KAT6A: variants seen among roughly 807,000 people sequenced by gnomAD.
KAT6A encodes histone acetyltransferase KAT6A.
KAT6A carries 9 observed loss-of-function variants against 198.4 expected under a neutral mutation model. That is an observed-to-expected ratio of 0.05 (90% CI 0.03 to 0.08). The LOEUF is 0.08. Ranked by LOEUF, KAT6A falls within the 10% of genes least tolerant of loss-of-function variation. The probability of loss-of-function intolerance (pLI) is 1.00; values close to 1 mark genes in which losing one functional copy is unlikely to be tolerated. For synonymous variants in KAT6A, 890 were observed against 883.0 expected (o/e 1.01, Z -0.14); for missense variants, 2,077 against 2,509.9 (o/e 0.83, Z 3.69).
At chr8:41,937,766 T>C (rs954868946) in intron 15 of KAT6A, among the ~76,000 whole-genome samples, 198 bp from the exon 16 acceptor site, 1 of 152,172 alleles carries the variant, frequency 6.6e-6, no homozygotes, top group Non-Finnish European at 1.5e-5. Context: ...ATTAGGCAAT[T>C]GAACACAACT....
At chr8:41,978,574 A>C (rs1824184561) in intron 6 of KAT6A, 68 bp downstream of exon 6, 2 of 1,494,524 alleles carry the variant, frequency 1.3e-6, no homozygotes, top group Non-Finnish European at 9.1e-7. Context: ...AGAGAAAACA[A>C]GTGAATCCTA....
chr8:42,013,760 GAC>G (rs1254151633), intron 2 of KAT6A, among the ~76,000 whole-genome samples: 8 of 152,150 alleles, frequency 5.3e-5, no homozygotes, highest in Admixed American at 3.9e-4. Flanking sequence ...TCACTCCACT[GAC>G]TGCAGATTTA....
rs1221337096 is a variant in KAT6A at position 41,930,946 on chromosome 8, A to G, written c.*1259T>C. On this transcript the variant is annotated 3_prime_UTR_variant, in exon 17 of 17. Transcript: ENST00000265713. The stretch of plus-strand genomic sequence containing the variant: ...ACAGGAGAGGTGCTTGTGCACTCTG[A>G]TTCACAGGGGATGAACTCAGGATCT... 4.8e-6 allele frequency: 1 copy of G among 210,124 alleles called. No individual in the cohort carries two copies. The highest frequency in any genetic ancestry group is 7.0e-5 in the East Asian group (1 of 14,352). The allele number at this position is 210,124 out of a possible 1,614,324, so 13.0% of individuals were successfully genotyped here.
chr8:42,048,602 T>C lies in KAT6A; in HGVS notation c.376A>G (p.Lys126Glu), dbSNP rs755669455. 1 of 1,614,186 alleles carries C rather than the reference T, an allele frequency of 6.2e-7. No individual in the cohort carries two copies. The highest frequency in any genetic ancestry group is 1.7e-5 in the Admixed American group (1 of 60,020). ...STLKSIERFL[K>E]GQKDVSALFG... ...AATGCAGACACATCCTTCTGACCTT[T>C]CAAAAAACGTTCAATGCTTTTCAAA... Residue 126 changes from lysine (K) to glutamate (E), a missense_variant, in exon 2 of 17, where the codon AAA becomes GAA. Physicochemically the swap from Lys to Glu is moderately conservative, Grantham distance 56. This residue lies in a region of KAT6A where 185 missense variants were observed against 185.7 expected (regional missense o/e 1.00). Coordinates refer to ENST00000265713, the MANE Select transcript of KAT6A (RefSeq NM_006766.5).
At chr8:41,995,217 C>T (rs148242169) in intron 2 of KAT6A, among the ~76,000 whole-genome samples, 2 of 152,024 alleles carry the variant, frequency 1.3e-5, no homozygotes, top group Non-Finnish European at 2.9e-5. Flanking sequence ...GATAAAAAGC[C>T]ATGTGTAGTG....
In KAT6A at chr8:41,932,128, A is replaced by G. The variant is rs571160168; in HGVS notation, c.*77T>C. The G allele has an allele frequency of 6.1e-5, 76 of 1,256,082 alleles. 1 individual carries two copies. The African/African-American group carries it at 9.7e-4, about 16-fold the overall frequency. 77.8% of individuals were successfully genotyped at this position (1,256,082 alleles called of 1,614,324 possible). A position where few individuals can be genotyped will look rare whatever the true frequency, so the allele number is the denominator to read the frequency against. Reference sequence around the variant, plus strand: ...CAATATTTTAACTGGAAAAAGGTCCATTTTTCTCTGGTTTGTCAGTATAAA... The same window carrying G: ...CAATATTTTAACTGGAAAAAGGTCCGTTTTTCTCTGGTTTGTCAGTATAAA... On this transcript the variant is annotated 3_prime_UTR_variant, in exon 17 of 17. Coordinates refer to ENST00000265713, the MANE Select transcript of KAT6A (RefSeq NM_006766.5).
chr8:42,051,769 G>A (rs1437099906), intron 1 of KAT6A, 132 bp downstream of exon 1: 1 of 146,484 alleles, frequency 6.8e-6, no homozygotes, highest in Non-Finnish European at 1.5e-5. Flanking sequence ...CAGAGCAGCG[G>A]GAGGCGGCGC....
intron 2 of KAT6A, among the ~76,000 whole-genome samples, chr8:42,009,578 G>A (rs1365793959): frequency 6.6e-6 from 1 of 151,592 alleles, no homozygotes; most frequent in Non-Finnish European, 1.5e-5. Flanking sequence ...TTTTTTTTCT[G>A]TTTTTCCACA....
chr8:41,993,945 A>T (rs1440789658), intron 2 of KAT6A, among the ~76,000 whole-genome samples: 1 of 152,126 alleles, frequency 6.6e-6, no homozygotes, highest in African/African-American at 2.4e-5. Flanking sequence ...AAATGCACTA[A>T]GGTGGTTATA....
intron 2 of KAT6A, among the ~76,000 whole-genome samples, chr8:42,022,600 G>A (rs918201146): frequency 6.6e-6 from 1 of 152,156 alleles, no homozygotes; most frequent in Non-Finnish European, 1.5e-5. Flanking sequence ...GTTGCAAAGG[G>A]TATAGGGAAG....
At chr8:41,981,787 G>A (rs902468562) in intron 4 of KAT6A, 52 bp downstream of exon 4, 11 of 1,099,190 alleles carry the variant, frequency 1.0e-5, no homozygotes, top group African/African-American at 6.1e-5. Context: ...AATGCTGGTC[G>A]TACATTCTAC....
chr8:42,022,279 G>GT (rs1460809181), intron 2 of KAT6A, among the ~76,000 whole-genome samples: 1 of 151,940 alleles, frequency 6.6e-6, no homozygotes, highest in East Asian at 1.9e-4. Flanking sequence ...TACGTAAAAA[G>GT]TTACACTGTG....
intron 10 of KAT6A, among the ~76,000 whole-genome samples, chr8:41,948,901 A>ACATCATCATCATCAT (rs34721456): frequency 1.3e-5 from 2 of 151,068 alleles, no homozygotes; most frequent in African/African-American, 4.9e-5. Flanking sequence ...CAGAGGTCAC[A>ACATCATCATCATCAT]CATCATCATC....
chr8:42,020,303 A>C (rs1165634074), intron 2 of KAT6A, among the ~76,000 whole-genome samples: 2 of 152,192 alleles, frequency 1.3e-5, no homozygotes, highest in Non-Finnish European at 2.9e-5. Context: ...TTACAGAAAG[A>C]GTTTGCCAAC....
At chr8:41,943,405 A>T (rs1822237308) in intron 13 of KAT6A, among the ~76,000 whole-genome samples, 1 of 152,118 alleles carries the variant, frequency 6.6e-6, no homozygotes, top group Non-Finnish European at 1.5e-5. Flanking sequence ...TTTATATGAA[A>T]ATTTAACATG....
chr8:41,934,231 T>C lies in KAT6A; in HGVS notation c.3989A>G (p.Lys1330Arg), dbSNP rs746406926. 12 of 1,614,162 alleles carry C rather than the reference T, an allele frequency of 7.4e-6. No individual in the cohort carries two copies. Among genetic ancestry groups the C allele is most frequent in the Middle Eastern group, 3.3e-4 (2 of 6,062 alleles). Residue 1330 changes from lysine to arginine, a missense_variant, in exon 17 of 17, where the codon AAG becomes AGG. Lys to Arg is a conservative substitution (Grantham distance 26). Around this residue, in one of 13 missense-constraint regions of KAT6A, gnomAD observed 375 missense variants for 383.0 expected, o/e 0.98. Transcript: ENST00000265713. Reference sequence around the variant, plus strand: ...CCTCGTGGGCTGTTCCTCTAGCTCCTTTTTCTTTGTGGACTCCAGGTGGCC... The same window carrying C: ...CCTCGTGGGCTGTTCCTCTAGCTCCCTTTTCTTTGTGGACTCCAGGTGGCC... ...DDGHLESTKK[K>R]ELEEQPTRED...
At chr8:42,043,986 CATTAAAA>C (rs1310331156) in intron 2 of KAT6A, among the ~76,000 whole-genome samples, 1 of 151,896 alleles carries the variant, frequency 6.6e-6, no homozygotes, top group African/African-American at 2.4e-5. Context: ...ATATATACAG[CATTAAAA>C]TAACGCCTGG....
At chr8:41,989,543 G>C (rs892209938) in intron 2 of KAT6A, among the ~76,000 whole-genome samples, 2 of 151,646 alleles carry the variant, frequency 1.3e-5, no homozygotes, top group African/African-American at 4.8e-5. Flanking sequence ...GACGTGACGT[G>C]ACGTGACGTG....
chr8:42,004,755 A>C (rs1459575453), intron 2 of KAT6A, among the ~76,000 whole-genome samples: 1 of 151,972 alleles, frequency 6.6e-6, no homozygotes, highest in Non-Finnish European at 1.5e-5. Context: ...GTGAAACCCT[A>C]TCTCTAATAA....
Sources: gnomAD v4.1 joint callset for allele counts (sites outside exome capture counted in the v4.1 genomes callset) on GRCh38, gnomAD v4.1.1 for gene constraint, gnomAD v4.1.1 regional missense constraint, MANE v1.5 for transcripts, NCBI Gene and HGNC (gene_info 2026-07-23, HGNC 2026-07-21) for gene names.